WDR49: variants seen among roughly 807,000 people sequenced by gnomAD.
The protein encoded by WDR49 is WD repeat domain 49.
In WDR49, 107 loss-of-function variants were observed where a neutral mutation model predicts 119.5. The observed-to-expected ratio is 0.90, with a 90% CI of 0.77 to 1.05. WDR49 has a LOEUF of 1.05. WDR49 is among the 50% of genes least tolerant of loss of function. The probability of loss-of-function intolerance (pLI) is 0.00; values close to 1 mark genes in which losing one functional copy is unlikely to be tolerated. For missense variants in WDR49, 1,240 were observed against 1,220.5 expected, an observed-to-expected ratio of 1.02 and a Z score of -0.24; for synonymous variants, 425 against 418.8, an observed-to-expected ratio of 1.01 and a Z score of -0.18.
At chr3:167,605,961 A>G (rs1195652557) in intron 5 of WDR49, among the ~76,000 whole-genome samples, 1 of 152,210 alleles carries the variant, frequency 6.6e-6, no homozygotes. Context: ...CAGAGTACAA[A>G]TTCAGAATAC....
intron 16 of WDR49, among the ~76,000 whole-genome samples, chr3:167,515,575 C>T (rs1188785739): frequency 6.6e-6 from 1 of 152,136 alleles, no homozygotes; most frequent in East Asian, 1.9e-4. Flanking sequence ...TGAAAACCGG[C>T]ACAAGACAAA....
intron 2 of WDR49, among the ~76,000 whole-genome samples, chr3:167,629,558 A>T (rs1014602171): frequency 2.0e-5 from 3 of 152,152 alleles, no homozygotes; most frequent in Admixed American, 2.0e-4. Flanking sequence ...TATTTAAAAA[A>T]TATCTTTTAT....
intron 8 of WDR49, among the ~76,000 whole-genome samples, chr3:167,570,075 A>ACT (rs1393671140): frequency 6.6e-6 from 1 of 151,698 alleles, no homozygotes; most frequent in African/African-American, 2.4e-5. Flanking sequence ...CAGCCTCAGA[A>ACT]CTGACATATA....
intron 5 of WDR49, among the ~76,000 whole-genome samples, chr3:167,608,531 G>A (rs57255385): frequency 0.032 from 4,876 of 152,200 alleles, 194 homozygotes; most frequent in East Asian, 0.2. Context: ...AACAATTCAC[G>A]CTTAATGTCT....
intron 8 of WDR49, among the ~76,000 whole-genome samples, chr3:167,575,681 G>T (rs1714209721): frequency 6.6e-6 from 1 of 152,220 alleles, no homozygotes; most frequent in Non-Finnish European, 1.5e-5. Context: ...TAGCTGGAAT[G>T]CTGTAATTCC....
At chr3:167,597,610 C>T (rs1277782345) in intron 7 of WDR49, among the ~76,000 whole-genome samples, 1 of 152,126 alleles carries the variant, frequency 6.6e-6, no homozygotes, top group Non-Finnish European at 1.5e-5. Context: ...GTAAAAGCAG[C>T]CACAAGGATG....
At chr3:167,497,875 C>CT (rs10634534) in intron 18 of WDR49, among the ~76,000 whole-genome samples, 38,850 of 128,110 alleles carry the variant, frequency 0.3, 6,071 homozygotes, top group East Asian at 0.46. Context: ...CATATTCATT[C>CT]TTTTTTTTTT....
chr3:167,527,751 T>G, intron 15 of WDR49, 69 bp downstream of exon 15: 1 of 1,449,896 alleles, frequency 6.9e-7, no homozygotes, highest in Non-Finnish European at 9.4e-7. Flanking sequence ...GAGATTCAAA[T>G]AGAAATCAGC....
At chr3:167,618,568 G>A (rs1716713338) in intron 5 of WDR49, among the ~76,000 whole-genome samples, 1 of 152,016 alleles carries the variant, frequency 6.6e-6, no homozygotes, top group South Asian at 2.1e-4. Flanking sequence ...GAATAAGATA[G>A]CAAAGATTTT....
intron 7 of WDR49, among the ~76,000 whole-genome samples, chr3:167,584,296 T>C (rs902346218): frequency 1.6e-4 from 25 of 152,090 alleles, no homozygotes; most frequent in Non-Finnish European, 3.1e-4. Context: ...GCATGCAATT[T>C]TTATGGAAGA....
intron 18 of WDR49, among the ~76,000 whole-genome samples, chr3:167,490,039 C>T (rs894596398): frequency 2.6e-5 from 4 of 152,060 alleles, no homozygotes; most frequent in Non-Finnish European, 5.9e-5. Context: ...ATCCACTGCC[C>T]ACATCTTGAG....
chr3:167,636,982 A>G (rs1717650695), intron 2 of WDR49, among the ~76,000 whole-genome samples: 1 of 151,810 alleles, frequency 6.6e-6, no homozygotes, highest in Admixed American at 6.6e-5. Context: ...TGTTATGCAA[A>G]AGCTCTTTAG....
chr3:167,522,527 T>A, intron 15 of WDR49, 43 bp from the exon 16 acceptor site: 1 of 1,566,104 alleles, frequency 6.4e-7, no homozygotes, highest in Non-Finnish European at 8.6e-7. Flanking sequence ...ATGAAATTTA[T>A]TTTCTTCAAA....
rs191568204 is a variant in WDR49, at chr3:167,482,321, T to C, written c.3032-3325A>G. On this transcript the variant is annotated intron_variant, in intron 18 of 18. Transcript: ENST00000682715. ...CCAAAAACTATAAATGGTGTCAATA[T>C]GCAAGAAATTTAGGGATTATTGTTC... is the stretch of plus-strand genomic sequence containing the variant. 6.6e-5 allele frequency among the ~76,000 whole-genome samples: 10 copies of C among 152,250 alleles called. No individual in the cohort carries two copies. In the East Asian group the frequency reaches 1.9e-3, roughly 29 times the overall value.
At chr3:167,525,729 T>A (rs1254484195) in intron 15 of WDR49, among the ~76,000 whole-genome samples, 2 of 152,070 alleles carry the variant, frequency 1.3e-5, no homozygotes, top group Admixed American at 1.3e-4. Flanking sequence ...CTCCTATTTC[T>A]CCAACTCTAG....
intron 7 of WDR49, among the ~76,000 whole-genome samples, chr3:167,577,649 T>C (rs536566795): frequency 1.3e-5 from 2 of 152,288 alleles, no homozygotes; most frequent in South Asian, 4.2e-4. Flanking sequence ...GAATGTTCCT[T>C]ATTATTATGT....
intron 14 of WDR49, 68 bp from the exon 15 acceptor site, chr3:167,528,085 T>A: frequency 7.2e-7 from 1 of 1,390,948 alleles, no homozygotes; most frequent in Non-Finnish European, 9.8e-7. Context: ...ACATAACACT[T>A]TTAAAAAAAG....
At chr3:167,523,379 A>AT (rs1231942871) in intron 15 of WDR49, among the ~76,000 whole-genome samples, 1 of 137,956 alleles carries the variant, frequency 7.2e-6, no homozygotes, top group Non-Finnish European at 1.6e-5. Context: ...AATGACATAC[A>AT]TTCTTTTTTT....
intron 10 of WDR49, among the ~76,000 whole-genome samples, chr3:167,539,957 G>C (rs562545153): frequency 1.5e-4 from 23 of 152,256 alleles, no homozygotes; most frequent in Admixed American, 2.6e-4. Flanking sequence ...CTGAATCAAT[G>C]TGTGAATTAT....
Sources: allele counts gnomAD v4.1 joint callset (sites outside exome capture counted in the v4.1 genomes callset), GRCh38; gene constraint gnomAD v4.1.1; transcripts MANE v1.5; gene names NCBI Gene and HGNC (gene_info 2026-07-23, HGNC 2026-07-21).